PARVB: variants seen among roughly 807,000 people sequenced by gnomAD.
PARVB encodes parvin beta, also known as beta-parvin.
A neutral mutation model predicts 47.0 loss-of-function variants in PARVB; 46 were observed. The ratio of observed to expected loss-of-function variants is 0.98; its 90% CI spans 0.77 to 1.25. The LOEUF (loss-of-function observed/expected upper bound fraction) is 1.25. PARVB is among the 50% of genes most tolerant of loss of function. The probability of loss-of-function intolerance (pLI) is 0.00; values close to 1 mark genes in which losing one functional copy is unlikely to be tolerated. For synonymous variants in PARVB, 196 were observed against 196.3 expected, an observed-to-expected ratio of 1.00 and a Z score of 0.01; for missense variants, 473 against 471.6, an observed-to-expected ratio of 1.00 and a Z score of -0.03.
At chr22:44,083,802 A>C (rs1451508615) in intron 1 of PARVB, among the ~76,000 whole-genome samples, 2 of 151,800 alleles carry the variant, frequency 1.3e-5, no homozygotes, top group Non-Finnish European at 2.9e-5. Flanking sequence ...AGCTGGTGGG[A>C]GCCATGGGGT....
chr22:44,042,072 C>T (rs545668896), intron 1 of PARVB, among the ~76,000 whole-genome samples: 95 of 151,926 alleles, frequency 6.3e-4, no homozygotes, highest in Non-Finnish European at 1.2e-3. Flanking sequence ...GGTGAGCAGA[C>T]GAAATAATAA....
At chr22:44,099,782 A>AT (rs1188280053) in intron 2 of PARVB, among the ~76,000 whole-genome samples, 1 of 152,172 alleles carries the variant, frequency 6.6e-6, no homozygotes, top group Non-Finnish European at 1.5e-5. Context: ...TTTCTCCTGA[A>AT]AAATGGAAAT....
chr22:44,016,311 T>C (rs915525249), intron 2 of PARVB, among the ~76,000 whole-genome samples: 4 of 151,944 alleles, frequency 2.6e-5, no homozygotes, highest in African/African-American at 9.7e-5. Context: ...TTAGCCAGGA[T>C]GGTCTCGATC....
chr22:44,062,577 C>T (rs2051439837), intron 1 of PARVB, among the ~76,000 whole-genome samples: 1 of 151,364 alleles, frequency 6.6e-6, no homozygotes, highest in Non-Finnish European at 1.5e-5. Context: ...GTGGTGATTG[C>T]AGTGAGCTGA....
exon 1 of PARVB, chr22:43,999,320 G>A: frequency 6.4e-7 from 1 of 1,563,272 alleles, no homozygotes; most frequent in Non-Finnish European, 8.7e-7. Flanking sequence ...ATTTACCTTT[G>A]GGACAGTTAG....
chr22:44,137,496 T>C (rs2053463200), intron 7 of PARVB, among the ~76,000 whole-genome samples: 1 of 152,236 alleles, frequency 6.6e-6, no homozygotes, highest in South Asian at 2.1e-4. Flanking sequence ...TTGTTTATTG[T>C]TGTGTAACAA....
chr22:44,163,019 T>G (rs913235312), intron 11 of PARVB, among the ~76,000 whole-genome samples: 2 of 152,192 alleles, frequency 1.3e-5, no homozygotes, highest in African/African-American at 4.8e-5. Flanking sequence ...CTGTCCCTAC[T>G]CAGTGCTAAG....
At chr22:44,073,397 G>A (rs770000129) in intron 1 of PARVB, among the ~76,000 whole-genome samples, 18 of 152,214 alleles carry the variant, frequency 1.2e-4, no homozygotes, top group Non-Finnish European at 2.2e-4. Context: ...TGGAAGCTGA[G>A]GCAGGAGAAT....
At chr22:44,126,882 G>A (rs989636990) in intron 4 of PARVB, among the ~76,000 whole-genome samples, 2 of 152,128 alleles carry the variant, frequency 1.3e-5, no homozygotes, top group Non-Finnish European at 2.9e-5. Context: ...AGAATCTCAG[G>A]ACAGGCTCTG....
At chr22:44,028,313 T>G (rs76328825) in intron 1 of PARVB, among the ~76,000 whole-genome samples, 12 of 145,758 alleles carry the variant, frequency 8.2e-5, no homozygotes, top group East Asian at 2.0e-4. Context: ...CATTTTTTTG[T>G]TTTGTTTTTT....
At position 44,007,640 on chromosome 22, in the gene PARVB, A is replaced by G. The variant is rs1191892458; in HGVS notation, c.211+7967A>G. 6.6e-5 allele frequency among the ~76,000 whole-genome samples: 10 copies of G among 152,164 alleles called. No individual in the cohort carries two copies. The East Asian group carries it at 1.7e-3, about 26-fold the overall frequency. On this transcript the variant is annotated intron_variant, in intron 2 of 13. Transcript: ENST00000406477. Reference sequence around the variant, plus strand: ...TACCTTTAGTTTTAGGCCCTGATTTATGTGGGTTTGACAACAGGCTTTAAA... The same window carrying G: ...TACCTTTAGTTTTAGGCCCTGATTTGTGTGGGTTTGACAACAGGCTTTAAA...
At chr22:44,039,899 C>G (rs753151006) in intron 1 of PARVB, 4 of 454,224 alleles carry the variant, frequency 8.8e-6, no homozygotes, top group South Asian at 1.6e-5. Flanking sequence ...ACTGCAGCCT[C>G]GAACTCCTGG....
chr22:44,081,701 C>T (rs1045202499), intron 1 of PARVB: 16 of 832,976 alleles, frequency 1.9e-5, no homozygotes, highest in South Asian at 1.6e-4. Context: ...CATTGCCCCC[C>T]GCCTCGGTGG....
intron 1 of PARVB, among the ~76,000 whole-genome samples, chr22:44,076,167 CAT>C (rs1306534546): frequency 6.6e-6 from 1 of 152,244 alleles, no homozygotes; most frequent in Admixed American, 6.5e-5. Context: ...TGAGTTTCTC[CAT>C]GAGGTGGCCC....
At chr22:44,031,822 C>T (rs563398393) in intron 1 of PARVB, among the ~76,000 whole-genome samples, 3 of 151,982 alleles carry the variant, frequency 2.0e-5, no homozygotes, top group African/African-American at 4.8e-5. Flanking sequence ...TTAAGTGCTC[C>T]GTTGGATTGA....
At position 44,093,990 on chromosome 22, in the gene PARVB, GAT is replaced by G; in HGVS notation, c.176_177del (p.Asp59GlyfsTer4). Reference sequence around the variant, plus strand: ...CTCACCGATGTCCCCCGCCCTGGTGGATGTTCACCCTGAAGACACCCAGCTTG... The same window carrying G: ...CTCACCGATGTCCCCCGCCCTGGTGGGTTCACCCTGAAGACACCCAGCTTG... Reference protein sequence around the residue: ...INSPMSPALVDVHPEDTQLEE... With the variant: ...INSPMSPALVXVHPEDTQLEE... On this transcript the variant is annotated frameshift_variant, in exon 2 of 13. Coordinates refer to ENST00000338758, the MANE Select transcript of PARVB (RefSeq NM_013327.5). LOFTEE classifies it high-confidence loss of function. 6.2e-7 allele frequency: 1 copy of G among 1,612,238 alleles called. No individual in the cohort carries two copies. Among genetic ancestry groups the G allele is most frequent in the Non-Finnish European group, 8.5e-7 (1 of 1,178,316 alleles).
At chr22:44,126,743 G>T (rs1405498734) in intron 4 of PARVB, among the ~76,000 whole-genome samples, 1 of 152,188 alleles carries the variant, frequency 6.6e-6, no homozygotes, top group Non-Finnish European at 1.5e-5. Context: ...GCAAACTTGA[G>T]TGTTTTGTTC....
chr22:44,043,695 C>G (rs143434703), intron 1 of PARVB, among the ~76,000 whole-genome samples: 8 of 152,080 alleles, frequency 5.3e-5, no homozygotes, highest in African/African-American at 1.9e-4. Flanking sequence ...CACTTTAAAA[C>G]GGCAAATTGT....
At chr22:44,134,549 G>A (rs1434453352) in intron 6 of PARVB, among the ~76,000 whole-genome samples, 2 of 152,198 alleles carry the variant, frequency 1.3e-5, no homozygotes, top group South Asian at 4.1e-4. Context: ...CTGCCATAAC[G>A]GGTTAGAGGA....
Sources: allele counts gnomAD v4.1 joint callset (sites outside exome capture counted in the v4.1 genomes callset), GRCh38; gene constraint gnomAD v4.1.1; transcripts MANE v1.5; gene names NCBI Gene and HGNC (gene_info 2026-07-23, HGNC 2026-07-21).